Variants in CNR1 observed in about 807,000 individuals in gnomAD.
CNR1 encodes cannabinoid receptor 1 (brain).
In CNR1, 10 loss-of-function variants were observed where a neutral mutation model predicts 23.0. The ratio of observed to expected loss-of-function variants is 0.43; its 90% confidence interval spans 0.27 to 0.74. The LOEUF is 0.74. CNR1 is among the 30% of genes least tolerant of loss of function. CNR1 has a pLI of 0.19. For missense variants in CNR1, 422 were observed against 618.8 expected (o/e 0.68, Z 3.37); for synonymous variants, 271 against 255.2 (o/e 1.06, Z -0.59).
rs200738920 is a variant in CNR1 at position 88,143,830 on chromosome 6, C to T, written c.*26G>A. 192 of 1,566,768 alleles carry T rather than the reference C, an allele frequency of 1.2e-4. No homozygotes were observed. The highest frequency in any genetic ancestry group is 7.1e-4 in the Admixed American group (37 of 52,110). ...TGAGCTTAAAAAAAAAAATTCTTTT[C>T]CTGTGCTGCCAGGGAGGCATCAGGC... On this transcript the variant is annotated 3_prime_UTR_variant, in exon 2 of 2. Transcript: ENST00000369501.
intron 1 of CNR1, among the ~76,000 whole-genome samples, chr6:88,155,528 C>T (rs1172891149): frequency 6.6e-6 from 1 of 152,196 alleles, no homozygotes; most frequent in Admixed American, 6.5e-5. Flanking sequence ...GCTCTCAACA[C>T]AGAGTTCCAA....
intron 1 of CNR1, among the ~76,000 whole-genome samples, chr6:88,150,285 G>C (rs1309902938): frequency 6.6e-6 from 1 of 152,090 alleles, no homozygotes; most frequent in African/African-American, 2.4e-5. Flanking sequence ...AGATTCAAAA[G>C]GTACAGAAAG....
intron 1 of CNR1, among the ~76,000 whole-genome samples, chr6:88,161,246 G>A (rs1229045104): frequency 1.3e-5 from 2 of 152,206 alleles, no homozygotes; most frequent in Non-Finnish European, 2.9e-5. Context: ...AAGTGCAGGT[G>A]TGAACATTTC....
In CNR1 at chr6:88,141,476, T is replaced by A. The variant is rs896566286; in HGVS notation, c.*2380A>T. 6 of 152,418 alleles carry A rather than the reference T, an allele frequency of 3.9e-5. No homozygotes were observed. Among genetic ancestry groups the A allele is most frequent in the African/African-American group, 1.4e-4 (6 of 41,472 alleles). The allele number at this position is 152,418 out of a possible 1,614,324, so 9.4% of individuals were successfully genotyped here. The stretch of plus-strand genomic sequence containing the variant: ...TCAAAAATGAATCGTGAAATTTTTC[T>A]ACCATAACAAGAATTTCTCTAGCTC... On this transcript the variant is annotated 3_prime_UTR_variant, in exon 2 of 2. Transcript: ENST00000369501.
At position 88,140,677 on chromosome 6, in the gene CNR1, G is replaced by C; in HGVS notation, c.*3179C>G. 1 of 152,320 alleles carries C rather than the reference G, an allele frequency of 6.6e-6. No individual in the cohort carries two copies. The highest frequency in any genetic ancestry group is 1.9e-4 in the East Asian group (1 of 5,342). 9.4% of individuals were successfully genotyped at this position (152,320 alleles called of 1,614,324 possible). A position where few individuals can be genotyped will look rare whatever the true frequency, so the allele number is the denominator to read the frequency against. On this transcript the variant is annotated 3_prime_UTR_variant, in exon 2 of 2. Transcript: ENST00000369501. ...TGAAATGGCAGAAATTAATCAACAG[G>C]ACAGTAACTATAGCGCTACTCATCC...
chr6:88,162,976 C>T (rs1015605563), intron 1 of CNR1: 17 of 152,164 alleles, frequency 1.1e-4, no homozygotes, highest in African/African-American at 4.1e-4. Flanking sequence ...GGCATGGCAT[C>T]CTTTTCAGCA....
Position 88,144,236 on chromosome 6 carries a change from G to A in CNR1, c.1039C>T (p.Leu347=). The A allele has an allele frequency of 3.7e-6, 6 of 1,611,626 alleles. No homozygotes were observed. Among genetic ancestry groups the A allele is most frequent in the Non-Finnish European group, 4.2e-6 (5 of 1,180,002 alleles). ...CAGATGATCAACACCACCAGGATCA[G>A]GACCAGGGTCTTGGCTAACCTAATG... ...MDIRLAKTLV[L]ILVVLIICWG... is the part of the protein sequence containing the mutation. Residue 347 remains leucine (L), a synonymous_variant, in exon 2 of 2, where the codon CTG becomes TTG. Coordinates refer to ENST00000369501, the MANE Select transcript of CNR1 (RefSeq NM_016083.6). The surrounding 1 kb of genome is among the most constrained non-coding windows in gnomAD (Gnocchi z 7.8).
Position 88,145,079 on chromosome 6 carries a change from C to T in CNR1, c.196G>A (p.Asp66Asn). 1.2e-6 allele frequency: 2 copies of T among 1,614,172 alleles called. No individual in the cohort carries two copies. The highest frequency in any genetic ancestry group is 2.2e-5 in the South Asian group (2 of 91,082). Residue 66 changes from aspartate (D) to asparagine (N), a missense_variant, in exon 2 of 2, where the codon GAC becomes AAC. Around this residue, in one of 4 missense-constraint regions of CNR1, gnomAD observed 120 missense variants for 117.6 expected, o/e 1.02. Transcript: ENST00000369501. ...SPFQEKMTAG[D>N]NPQLVPADQV... ...TCTGCTGGGACTAGCTGGGGGTTGTCTCCCGCAGTCATCTTCTCTTGGAAG... is the reference window on the plus strand; with the variant it reads ...TCTGCTGGGACTAGCTGGGGGTTGTTTCCCGCAGTCATCTTCTCTTGGAAG...
At position 88,142,215 on chromosome 6, in the gene CNR1, T is replaced by A. The variant is rs1776862185; in HGVS notation, c.*1641A>T. The A allele has an allele frequency of 6.6e-6, 1 of 152,376 alleles. No homozygotes were observed. The highest frequency in any genetic ancestry group is 1.5e-5 in the Non-Finnish European group (1 of 68,054). The allele number at this position is 152,376 out of a possible 1,614,324, so 9.4% of individuals were successfully genotyped here. On this transcript the variant is annotated 3_prime_UTR_variant, in exon 2 of 2. Transcript: ENST00000369501. Reference sequence around the variant, plus strand: ...GGGCAAAGCACAGATACAGCATAGCTAGACGTCAATGCCAAGTGTATCGGT... The same window carrying A: ...GGGCAAAGCACAGATACAGCATAGCAAGACGTCAATGCCAAGTGTATCGGT...
chr6:88,151,436 A>T (rs1399835594), intron 1 of CNR1, among the ~76,000 whole-genome samples: 1 of 152,216 alleles, frequency 6.6e-6, no homozygotes, highest in African/African-American at 2.4e-5. Flanking sequence ...GATTGGTGTT[A>T]GATGGTACTT....
Position 88,144,293 on chromosome 6 carries a change from G to C in CNR1, c.982C>G (p.Gln328Glu), listed in dbSNP as rs764062259. ...IIHTSEDGKV[Q>E]VTRPDQARMD... ...CGGGCTTGGTCTGGCCGGGTCACCT[G>C]TACCTTCCCATCCTCAGACGTGTGG... is the stretch of plus-strand genomic sequence containing the variant. Residue 328 changes from glutamine (Q) to glutamate (E), a missense_variant, in exon 2 of 2, where the codon CAG (glutamine) becomes GAG (glutamate). Physicochemically the swap from Gln to Glu is conservative, Grantham distance 29. This residue lies in a region of CNR1 where 211 missense variants were observed against 357.3 expected (regional missense o/e 0.59). Transcript: ENST00000369501. The surrounding 1 kb of genome is among the most constrained non-coding windows in gnomAD (Gnocchi z 7.8). 22 of 1,611,858 alleles carry C rather than the reference G, an allele frequency of 1.4e-5. No individual in the cohort carries two copies. The highest frequency in any genetic ancestry group is 1.4e-5 in the Non-Finnish European group (16 of 1,180,008).
chr6:88,148,243 G>A (rs1777313908), intron 1 of CNR1, among the ~76,000 whole-genome samples: 1 of 152,100 alleles, frequency 6.6e-6, no homozygotes, highest in East Asian at 1.9e-4. Context: ...GCTTCCCATG[G>A]CGATGAACAC....
rs531413129 is a variant in CNR1 at position 88,142,732 on chromosome 6, T to C, written c.*1124A>G. 1 of 152,742 alleles carries C rather than the reference T, an allele frequency of 6.5e-6. No homozygotes were observed. The highest frequency in any genetic ancestry group is 2.1e-4 in the South Asian group (1 of 4,832). 9.5% of individuals were successfully genotyped at this position (152,742 alleles called of 1,614,324 possible). The stretch of plus-strand genomic sequence containing the variant: ...GTCACAGTTTTCTCACTTTATGACA[T>C]TACTGTAACAGTTACAGGACAGAAA... On this transcript the variant is annotated 3_prime_UTR_variant, in exon 2 of 2. Transcript: ENST00000369501.
intron 1 of CNR1, among the ~76,000 whole-genome samples, chr6:88,164,899 C>A (rs1778291671): frequency 6.6e-6 from 1 of 152,018 alleles, no homozygotes; most frequent in South Asian, 2.1e-4. Context: ...CCTTTAAAAC[C>A]AGTAAATCTG....
chr6:88,141,875 C>T lies in CNR1; in HGVS notation c.*1981G>A, dbSNP rs1776843072. 2 of 152,366 alleles carry T rather than the reference C, an allele frequency of 1.3e-5. No homozygotes were observed. Among genetic ancestry groups the T allele is most frequent in the Admixed American group, 1.3e-4 (2 of 15,284 alleles). The allele number at this position is 152,366 out of a possible 1,614,324, so 9.4% of individuals were successfully genotyped here. ...CTAGAAATCACCAGATAGATGCCAG[C>T]TCTGTACTTCACTTCAGACTATGTA... is the stretch of plus-strand genomic sequence containing the variant. On this transcript the variant is annotated 3_prime_UTR_variant, in exon 2 of 2. Coordinates refer to ENST00000369501, the MANE Select transcript of CNR1 (RefSeq NM_016083.6).
chr6:88,163,489 T>C (rs61041349), intron 1 of CNR1, among the ~76,000 whole-genome samples: 3,750 of 152,328 alleles, frequency 0.025, 92 homozygotes, highest in Admixed American at 0.087. Context: ...AACACTAATA[T>C]GCAAGACAAC....
chr6:88,158,773 G>A (rs1777932691), intron 1 of CNR1, among the ~76,000 whole-genome samples: 1 of 152,204 alleles, frequency 6.6e-6, no homozygotes, highest in Non-Finnish European at 1.5e-5. Flanking sequence ...AGAATATTCT[G>A]TAAGTATAGG....
At position 88,144,533 on chromosome 6, in the gene CNR1, C is replaced by T. The variant is rs768033952; in HGVS notation, c.742G>A (p.Ala248Thr). The change falls in exon 2 of 2, where the codon GCC becomes ACC. Residue 248 changes from alanine (A) to threonine (T), a missense_variant. Physicochemically the swap from Ala to Thr is moderately conservative, Grantham distance 58 (BLOSUM62 0). This residue lies in a region of CNR1 where 211 missense variants were observed against 357.3 expected (regional missense o/e 0.59). Transcript: ENST00000369501. The surrounding 1 kb of genome is among the most constrained non-coding windows in gnomAD (Gnocchi z 7.8). ...TTCCAGCCCAGGAGAGGCAGCACGG[C>T]GATCACAATGGCTATGGTCCACATC... ...CLMWTIAIVIAVLPLLGWNCE... is the reference protein window; with the variant it reads ...CLMWTIAIVITVLPLLGWNCE... The T allele has an allele frequency of 1.2e-6, 2 of 1,614,188 alleles. No individual in the cohort carries two copies. The highest frequency in any genetic ancestry group is 8.5e-7 in the Non-Finnish European group (1 of 1,180,032).
intron 1 of CNR1, among the ~76,000 whole-genome samples, chr6:88,150,171 T>TGCCATC (rs1468965881): frequency 2.6e-5 from 4 of 152,342 alleles, no homozygotes; most frequent in Non-Finnish European, 5.9e-5. Context: ...CCATTCCTTA[T>TGCCATC]GCCATCTTCC....
Sources: allele counts gnomAD v4.1 joint callset (sites outside exome capture counted in the v4.1 genomes callset), GRCh38; gene constraint gnomAD v4.1.1; regional missense constraint gnomAD v4.1.1; non-coding constraint Gnocchi (gnomAD v3.1); transcripts MANE v1.5; gene names NCBI Gene and HGNC (gene_info 2026-07-23, HGNC 2026-07-21).